PPM1E: variants seen among roughly 807,000 people sequenced by gnomAD.
The protein encoded by PPM1E is protein phosphatase 1E.
A neutral mutation model predicts 65.9 loss-of-function variants in PPM1E; 20 were observed. That is an observed-to-expected ratio of 0.30 (90% CI 0.21 to 0.44). The LOEUF (loss-of-function observed/expected upper bound fraction) is 0.44, where lower values mean the gene tolerates loss of function less well. PPM1E is among the 20% of genes least tolerant of loss of function. The pLI is 1.00. For missense variants in PPM1E, 713 were observed against 953.1 expected (o/e 0.75, Z 3.32); for synonymous variants, 352 against 374.9 (o/e 0.94, Z 0.70).
intron 1 of PPM1E, among the ~76,000 whole-genome samples, chr17:58,771,714 A>C (rs2049941042): frequency 1.3e-5 from 2 of 151,954 alleles, no homozygotes; most frequent in Admixed American, 1.3e-4. Flanking sequence ...GACATCAATG[A>C]GTTTATTTTC....
chr17:58,877,806 T>C (rs1003922207), intron 1 of PPM1E, among the ~76,000 whole-genome samples: 1 of 152,164 alleles, frequency 6.6e-6, no homozygotes, highest in Non-Finnish European at 1.5e-5. Context: ...CTCCCCACTA[T>C]CTTTTGCAAA....
chr17:58,954,875 CTCTCA>C (rs1187825105), intron 1 of PPM1E, among the ~76,000 whole-genome samples: 1 of 105,048 alleles, frequency 9.5e-6, no homozygotes, highest in Non-Finnish European at 1.9e-5. Flanking sequence ...GCAAGAGTCT[CTCTCA>C]AAAAAAAAAA....
At chr17:58,901,464 A>G (rs1343282350) in intron 1 of PPM1E, among the ~76,000 whole-genome samples, 5 of 151,918 alleles carry the variant, frequency 3.3e-5, no homozygotes, top group Admixed American at 6.6e-5. Flanking sequence ...ACCTGAGGTC[A>G]GGAGTTCGAG....
chr17:58,909,167 A>G (rs912517223), intron 1 of PPM1E, among the ~76,000 whole-genome samples: 30 of 152,070 alleles, frequency 2.0e-4, no homozygotes, highest in African/African-American at 7.2e-4. Flanking sequence ...TATTTCTTGC[A>G]AGGCAGGTCT....
intron 1 of PPM1E, among the ~76,000 whole-genome samples, chr17:58,810,762 T>A (rs1473258686): frequency 6.6e-6 from 1 of 152,124 alleles, no homozygotes; most frequent in Non-Finnish European, 1.5e-5. Flanking sequence ...TAAAGAAAAA[T>A]TTTCTCTCAT....
At chr17:58,767,503 G>T (rs948443626) in intron 1 of PPM1E, among the ~76,000 whole-genome samples, 4 of 152,130 alleles carry the variant, frequency 2.6e-5, no homozygotes, top group African/African-American at 9.7e-5. Context: ...CTTAGCTCAG[G>T]CTTTTATCAC....
chr17:58,868,686 C>A (rs1195852810), intron 1 of PPM1E, among the ~76,000 whole-genome samples: 1 of 151,376 alleles, frequency 6.6e-6, no homozygotes, highest in Non-Finnish European at 1.5e-5. Flanking sequence ...AACTCATAAC[C>A]TTATTTGGTT....
rs776743144 is a variant in PPM1E at position 58,980,143 on chromosome 17, C to T, written c.1380C>T (p.Asp460=). The change falls in exon 7 of 7, where the codon GAC becomes GAT. Residue 460 remains aspartate (D), a synonymous_variant. Transcript: ENST00000308249. The surrounding 1 kb of genome is among the most constrained non-coding windows in gnomAD (Gnocchi z 4.7). ...ACCACCTGAAAGAGAATAATGGAGA[C>T]AGCAGCATGGTTGCCCACAAATTAG... is the stretch of plus-strand genomic sequence containing the variant. ...VSDHLKENNG[D]SSMVAHKLVA... is the part of the protein sequence containing the mutation. 2.5e-6 allele frequency: 4 copies of T among 1,614,092 alleles called. No homozygotes were observed. Among genetic ancestry groups the T allele is most frequent in the Admixed American group, 1.7e-5 (1 of 60,004 alleles).
At chr17:58,956,472 C>T (rs1352792695) in intron 2 of PPM1E, among the ~76,000 whole-genome samples, 1 of 151,536 alleles carries the variant, frequency 6.6e-6, no homozygotes, top group African/African-American at 2.4e-5. Context: ...AAAAAAAAAC[C>T]TTAACTTTGT....
intron 1 of PPM1E, among the ~76,000 whole-genome samples, chr17:58,805,973 ACAAAAAAAAAACAAAACAAAAC>A (rs1297440951): frequency 0.061 from 7,071 of 116,790 alleles, 604 homozygotes; most frequent in East Asian, 0.14. Flanking sequence ...AAAAAAAAAA[ACAAAAAAAAAACAAAACAAAAC>A]AAAACAAAAA....
intron 1 of PPM1E, among the ~76,000 whole-genome samples, chr17:58,852,348 T>C (rs1026747340): frequency 1.3e-5 from 2 of 152,314 alleles, no homozygotes; most frequent in South Asian, 4.1e-4. Flanking sequence ...GTGTTGCTCA[T>C]GCTGGGAGCT....
At chr17:58,828,902 C>T (rs1426126551) in intron 1 of PPM1E, among the ~76,000 whole-genome samples, 1 of 152,190 alleles carries the variant, frequency 6.6e-6, no homozygotes, top group Non-Finnish European at 1.5e-5. Context: ...TTTTATACAA[C>T]TCCTGCTACC....
intron 1 of PPM1E, among the ~76,000 whole-genome samples, chr17:58,840,193 C>T (rs899188084): frequency 3.3e-5 from 5 of 152,156 alleles, no homozygotes; most frequent in Admixed American, 6.5e-5. Flanking sequence ...TGTGACGACA[C>T]GCTAGAAGTA....
At chr17:58,970,717 A>C (rs2030550402) in intron 4 of PPM1E, among the ~76,000 whole-genome samples, 2 of 152,068 alleles carry the variant, frequency 1.3e-5, no homozygotes, top group Admixed American at 6.5e-5. Flanking sequence ...AGTAACCAGT[A>C]GAGTCCACAC....
At chr17:58,959,538 G>A (rs1183547618) in intron 2 of PPM1E, among the ~76,000 whole-genome samples, 5 of 150,856 alleles carry the variant, frequency 3.3e-5, no homozygotes, top group Non-Finnish European at 5.9e-5. Flanking sequence ...GGTGGAGCTT[G>A]CAGTGAGCTG....
At chr17:58,806,464 TGA>T (rs2050315401) in intron 1 of PPM1E, among the ~76,000 whole-genome samples, 1 of 152,042 alleles carries the variant, frequency 6.6e-6, no homozygotes, top group Non-Finnish European at 1.5e-5. Context: ...ACTTAATGTG[TGA>T]GAGTTTCCAG....
intron 1 of PPM1E, among the ~76,000 whole-genome samples, chr17:58,772,730 G>A (rs144988972): frequency 3.0e-4 from 46 of 152,218 alleles, no homozygotes; most frequent in African/African-American, 1.0e-3. Context: ...AGGAAAACCA[G>A]AGAATGACCT....
intron 1 of PPM1E, among the ~76,000 whole-genome samples, chr17:58,852,736 T>G (rs1265241361): frequency 1.3e-5 from 2 of 152,000 alleles, no homozygotes; most frequent in African/African-American, 4.8e-5. Flanking sequence ...CCCGAGTAGC[T>G]GGGACTACAG....
Position 58,756,258 on chromosome 17 carries a change from C to CT in PPM1E, c.261_262insT (p.Glu88Ter). 6.5e-7 allele frequency: 1 copy of CT among 1,549,860 alleles called. No individual in the cohort carries two copies. The highest frequency in any genetic ancestry group is 8.7e-7 in the Non-Finnish European group (1 of 1,146,424). Reference sequence around the variant, plus strand: ...GGGACCAGGAGCAAGACCCGGAGCCCGAGGAGGAGGCGGCGGTTGAGGGTG... The same window carrying CT: ...GGGACCAGGAGCAAGACCCGGAGCCCTGAGGAGGAGGCGGCGGTTGAGGGTG... On this transcript the variant is annotated frameshift_variant, in exon 1 of 7. Coordinates refer to ENST00000308249, the MANE Select transcript of PPM1E (RefSeq NM_014906.5). LOFTEE classifies it high-confidence loss of function.
Sources: allele counts gnomAD v4.1 joint callset (sites outside exome capture counted in the v4.1 genomes callset), GRCh38; gene constraint gnomAD v4.1.1; non-coding constraint Gnocchi (gnomAD v3.1); transcripts MANE v1.5; gene names NCBI Gene and HGNC (gene_info 2026-07-23, HGNC 2026-07-21).